ROR2: variants seen among roughly 807,000 people sequenced by gnomAD.
ROR2 encodes the protein tyrosine-protein kinase transmembrane receptor ROR2.
In ROR2, 33 loss-of-function variants were observed where a neutral mutation model predicts 74.9. The ratio of observed to expected loss-of-function variants is 0.44; its 90% CI spans 0.33 to 0.59. The LOEUF (loss-of-function observed/expected upper bound fraction) is 0.59. ROR2 is among the 20% of genes least tolerant of loss of function. The pLI is 0.02. For missense variants in ROR2, 1,216 were observed against 1,313.8 expected (o/e 0.93, Z 1.15); for synonymous variants, 586 against 558.7 (o/e 1.05, Z -0.69).
chr9:91,881,561 T>TAA lies in ROR2; in HGVS notation c.97+68305_97+68306insTT, dbSNP rs1830112384. Among the ~76,000 whole-genome samples, 4 of 152,370 alleles carry TAA rather than the reference T, an allele frequency of 2.6e-5. No homozygotes were observed. In the South Asian group the frequency reaches 8.3e-4, roughly 32 times the overall value. On this transcript the variant is annotated intron_variant, in intron 1 of 8. Coordinates refer to ENST00000375708, the MANE Select transcript of ROR2 (RefSeq NM_004560.4). ...TTAAGTGAAGACTTACTGTTAGTAC[T>TAA]CCTTTTTTGATGGTGAGTTATCTCC... is the stretch of plus-strand genomic sequence containing the variant.
intron 1 of ROR2, among the ~76,000 whole-genome samples, chr9:91,852,602 A>G (rs1334041892): frequency 7.2e-6 from 1 of 139,830 alleles, no homozygotes; most frequent in Non-Finnish European, 1.5e-5. Flanking sequence ...GGGCAGAGTT[A>G]CAAATAAATG....
At chr9:91,757,140 A>G (rs757554792) in intron 3 of ROR2, 132 bp downstream of exon 3, 108 of 1,171,936 alleles carry the variant, frequency 9.2e-5, no homozygotes, top group Non-Finnish European at 1.1e-4. Context: ...GGAAGGCCCT[A>G]GGGAACGGTT....
At chr9:91,947,536 C>G (rs1832041298) in intron 1 of ROR2, among the ~76,000 whole-genome samples, 1 of 152,156 alleles carries the variant, frequency 6.6e-6, no homozygotes, top group Non-Finnish European at 1.5e-5. Context: ...TGGATTTCTT[C>G]TAGACGGATC....
At chr9:91,783,730 G>C (rs73513233) in intron 1 of ROR2, among the ~76,000 whole-genome samples, 2 of 152,186 alleles carry the variant, frequency 1.3e-5, no homozygotes, top group Non-Finnish European at 2.9e-5. Flanking sequence ...TGCGAGCCTG[G>C]AGGGCACACC....
chr9:91,815,288 T>C (rs555513930), intron 1 of ROR2, among the ~76,000 whole-genome samples: 1 of 152,356 alleles, frequency 6.6e-6, no homozygotes, highest in African/African-American at 2.4e-5. Flanking sequence ...TACAGATTCA[T>C]GGTGTGTATA....
At chr9:91,926,235 T>A (rs980282913) in intron 1 of ROR2, among the ~76,000 whole-genome samples, 2 of 148,872 alleles carry the variant, frequency 1.3e-5, no homozygotes, top group African/African-American at 2.5e-5. Flanking sequence ...AAAAAAAAAA[T>A]TAGCAGGGCA....
At chr9:91,884,828 G>T (rs1830226055) in intron 1 of ROR2, among the ~76,000 whole-genome samples, 1 of 151,600 alleles carries the variant, frequency 6.6e-6, no homozygotes, top group Admixed American at 6.6e-5. Flanking sequence ...ATATTAACAT[G>T]CACAGAACTG....
At chr9:91,734,409 C>T (rs1824953398) in intron 5 of ROR2, among the ~76,000 whole-genome samples, 1 of 152,216 alleles carries the variant, frequency 6.6e-6, no homozygotes, top group African/African-American at 2.4e-5. Context: ...CATTTAGTCC[C>T]TGAGGAGCCC....
chr9:91,894,612 C>T lies in ROR2; in HGVS notation c.97+55255G>A, dbSNP rs559058586. On this transcript the variant is annotated intron_variant, in intron 1 of 8. Transcript: ENST00000375708. ...TTAAACTGAACATTCTCACAGAGAACTTGTGAGTGCCCAAAATATGCCCAG... is the reference window on the plus strand; with the variant it reads ...TTAAACTGAACATTCTCACAGAGAATTTGTGAGTGCCCAAAATATGCCCAG... Among the ~76,000 whole-genome samples the T allele has an allele frequency of 4.6e-5, 7 of 152,322 alleles. No homozygotes were observed. In the East Asian group the frequency reaches 1.3e-3, roughly 29 times the overall value.
chr9:91,887,997 G>T (rs1295036021), intron 1 of ROR2, among the ~76,000 whole-genome samples: 3 of 151,852 alleles, frequency 2.0e-5, no homozygotes, highest in Non-Finnish European at 4.4e-5. Flanking sequence ...TTGCCATGTT[G>T]GTCAGGCTGG....
intron 1 of ROR2, among the ~76,000 whole-genome samples, chr9:91,892,431 T>C (rs1300882389): frequency 6.6e-6 from 1 of 152,156 alleles, no homozygotes; most frequent in African/African-American, 2.4e-5. Context: ...TTCTCATTTG[T>C]TAAGTGGGGT....
In ROR2 at chr9:91,724,036, G is replaced by A. The variant is rs1253369894; in HGVS notation, c.2458C>T (p.Pro820Ser). The change falls in exon 9 of 9, where the codon CCC becomes TCC. Residue 820 changes from proline to serine, a missense_variant. Pro to Ser is a moderately conservative substitution (Grantham distance 74, BLOSUM62 -1). Transcript: ENST00000375708. ...PMVPPPQLYV[P>S]VNGYQPVPAY... ...GGCACCGGCTGGTAGCCGTTGACGG[G>A]GACGTAGAGCTGCGGCGGGGGCACC... is the stretch of plus-strand genomic sequence containing the variant. 2 of 1,612,302 alleles carry A rather than the reference G, an allele frequency of 1.2e-6. No homozygotes were observed. Among genetic ancestry groups the A allele is most frequent in the Admixed American group, 1.7e-5 (1 of 60,006 alleles).
At chr9:91,848,200 G>A (rs1195627773) in intron 1 of ROR2, among the ~76,000 whole-genome samples, 1 of 152,152 alleles carries the variant, frequency 6.6e-6, no homozygotes, top group East Asian at 1.9e-4. Flanking sequence ...AAGACAGAAT[G>A]CCATTCAATA....
At chr9:91,743,633 C>T (rs1825317087) in intron 4 of ROR2, among the ~76,000 whole-genome samples, 1 of 151,872 alleles carries the variant, frequency 6.6e-6, no homozygotes, top group Non-Finnish European at 1.5e-5. Context: ...CTAACAAGGA[C>T]ACCACAAGAG....
At chr9:91,731,190 G>A (rs1219717375) in intron 6 of ROR2, 35 bp from the exon 7 acceptor site, 1 of 1,613,144 alleles carries the variant, frequency 6.2e-7, no homozygotes, top group East Asian at 2.2e-5. Context: ...AAACCTCCGG[G>A]GTACAACAAA....
chr9:91,924,575 C>T (rs1374524584), intron 1 of ROR2, among the ~76,000 whole-genome samples: 2 of 152,114 alleles, frequency 1.3e-5, no homozygotes, highest in Non-Finnish European at 2.9e-5. Context: ...GGGCGGATCA[C>T]GAGGTCAGGA....
intron 1 of ROR2, among the ~76,000 whole-genome samples, chr9:91,813,183 A>G (rs764170224): frequency 6.6e-6 from 1 of 152,198 alleles, no homozygotes; most frequent in Non-Finnish European, 1.5e-5. Context: ...CAAAGGAAAT[A>G]TAACAAAGAT....
intron 1 of ROR2, among the ~76,000 whole-genome samples, chr9:91,825,246 C>T (rs1162321261): frequency 6.6e-5 from 10 of 152,134 alleles, no homozygotes. Context: ...AAAGCTTGCT[C>T]GAGCCACACC....
intron 4 of ROR2, among the ~76,000 whole-genome samples, chr9:91,742,473 G>A (rs78226580): frequency 2.4e-4 from 37 of 152,246 alleles, no homozygotes; most frequent in Non-Finnish European, 4.3e-4. Flanking sequence ...ATTTCAGGAG[G>A]GATGGAAACT....
Sources: gnomAD v4.1 joint callset for allele counts (sites outside exome capture counted in the v4.1 genomes callset) on GRCh38, gnomAD v4.1.1 for gene constraint, MANE v1.5 for transcripts, NCBI Gene and HGNC (gene_info 2026-07-23, HGNC 2026-07-21) for gene names.